Variants in SLIT3 observed in about 807,000 individuals in gnomAD.
SLIT3 encodes the protein slit homolog 3 protein.
A neutral mutation model predicts 184.0 loss-of-function variants in SLIT3; 68 were observed. The observed-to-expected ratio is 0.37, with a 90% confidence interval of 0.30 to 0.45. SLIT3 has a LOEUF of 0.45. Ranked by LOEUF, SLIT3 falls within the 20% of genes least tolerant of loss-of-function variation. SLIT3 has a pLI of 1.00. For missense variants in SLIT3, 1,707 were observed against 2,026.0 expected (o/e 0.84, Z 3.02); for synonymous variants, 831 against 828.6 (o/e 1.00, Z -0.05).
chr5:168,668,819 C>CT (rs1761140306), intron 35 of SLIT3, among the ~76,000 whole-genome samples: 2 of 152,242 alleles, frequency 1.3e-5, no homozygotes. Context: ...GGCTCTCACT[C>CT]TGTCACCCAG....
In SLIT3 at chr5:168,824,617, A is replaced by G. The variant is rs528703857; in HGVS notation, c.558-1286T>C. 2.0e-5 allele frequency among the ~76,000 whole-genome samples: 3 copies of G among 152,310 alleles called. No homozygotes were observed. In the South Asian group the frequency reaches 6.2e-4, roughly 32 times the overall value. ...GACATAATATGTGGGGAAGTCAGGC[A>G]TAGCTCTCAGCTCCCTGACCCCACA... On this transcript the variant is annotated intron_variant, in intron 6 of 35. Transcript: ENST00000519560.
chr5:168,786,372 C>T (rs1231778021), intron 11 of SLIT3, among the ~76,000 whole-genome samples: 1 of 152,168 alleles, frequency 6.6e-6, no homozygotes, highest in Non-Finnish European at 1.5e-5. Context: ...TGAGCCCAGC[C>T]TACAGGACGT....
chr5:168,762,785 T>G, intron 14 of SLIT3, 96 bp from the exon 15 acceptor site: 2 of 1,245,970 alleles, frequency 1.6e-6, no homozygotes, highest in Admixed American at 1.7e-5. Flanking sequence ...GATGGGGGAA[T>G]GAGTTGGGGG....
chr5:169,176,637 T>G (rs543834183), intron 4 of SLIT3, among the ~76,000 whole-genome samples: 3 of 152,200 alleles, frequency 2.0e-5, no homozygotes, highest in Non-Finnish European at 2.9e-5. Context: ...CAGAGATCAG[T>G]AACATTTTTC....
chr5:168,705,468 T>C (rs1762347660), intron 26 of SLIT3, among the ~76,000 whole-genome samples: 1 of 152,124 alleles, frequency 6.6e-6, no homozygotes, highest in African/African-American at 2.4e-5. Flanking sequence ...TCTGTACCAT[T>C]AGCACCATTA....
rs368324929 is a variant in SLIT3 at position 168,698,501 on chromosome 5, A to G, written c.2943-2070T>C. On this transcript the variant is annotated intron_variant, in intron 27 of 35. Coordinates refer to ENST00000519560, the MANE Select transcript of SLIT3 (RefSeq NM_003062.4). Reference sequence around the variant, plus strand: ...GGAACACCAGAAGCCAGGGAGGGACAAGCAAGGACCCTCCCCTAGAGGCTC... The same window carrying G: ...GGAACACCAGAAGCCAGGGAGGGACGAGCAAGGACCCTCCCCTAGAGGCTC... Among the ~76,000 whole-genome samples the G allele has an allele frequency of 6.2e-4, 94 of 152,248 alleles. 2 individuals are homozygous for G. In the South Asian group the frequency reaches 0.019, roughly 31 times the overall value.
chr5:168,903,756 T>C (rs1277771442), intron 4 of SLIT3, among the ~76,000 whole-genome samples: 1 of 152,178 alleles, frequency 6.6e-6, no homozygotes, highest in African/African-American at 2.4e-5. Flanking sequence ...GATCCCCCTC[T>C]ACAATTCATA....
intron 5 of SLIT3, among the ~76,000 whole-genome samples, chr5:168,846,832 A>G (rs1458614326): frequency 6.6e-6 from 1 of 152,248 alleles, no homozygotes; most frequent in Non-Finnish European, 1.5e-5. Flanking sequence ...GAAATCAAAC[A>G]GGAGACTCTA....
At chr5:168,970,763 G>C (rs550542501) in intron 4 of SLIT3, among the ~76,000 whole-genome samples, 2 of 152,186 alleles carry the variant, frequency 1.3e-5, no homozygotes. Context: ...TTACTATAAA[G>C]AGCCCAGATC....
At position 169,185,318 on chromosome 5, in the gene SLIT3, G is replaced by A. The variant is rs1325132497; in HGVS notation, c.413+8161C>T. On this transcript the variant is annotated intron_variant, in intron 4 of 35. Coordinates refer to ENST00000519560, the MANE Select transcript of SLIT3 (RefSeq NM_003062.4). ...TTTTCCATGAGCTTTGGGTGGCTGT[G>A]TCCCTGAAAAAACGTGACCCCATGT... Among the ~76,000 whole-genome samples the A allele has an allele frequency of 5.3e-5, 8 of 152,302 alleles. No homozygotes were observed. The South Asian group carries it at 1.7e-3, about 32-fold the overall frequency.
chr5:168,667,573 AC>A (rs532977946), intron 35 of SLIT3: 2 of 152,126 alleles, frequency 1.3e-5, no homozygotes, highest in Non-Finnish European at 2.9e-5. Context: ...TTTCATTTCC[AC>A]CCCTCTACTG....
chr5:169,257,798 G>A lies in SLIT3; in HGVS notation c.198-6339C>T, dbSNP rs529140122. 2.4e-4 allele frequency among the ~76,000 whole-genome samples: 37 copies of A among 152,010 alleles called. No individual in the cohort carries two copies. In the South Asian group the frequency reaches 7.5e-3, roughly 31 times the overall value. On this transcript the variant is annotated intron_variant, in intron 1 of 35. Coordinates refer to ENST00000519560, the MANE Select transcript of SLIT3 (RefSeq NM_003062.4). Reference sequence around the variant, plus strand: ...TCAAACTCCTGACCTCAGGTGATCTGCCCACCTTGGCCTCCCAAAGTGCTA... The same window carrying A: ...TCAAACTCCTGACCTCAGGTGATCTACCCACCTTGGCCTCCCAAAGTGCTA...
chr5:169,019,463 G>T (rs1466809059), intron 4 of SLIT3, among the ~76,000 whole-genome samples: 1 of 152,212 alleles, frequency 6.6e-6, no homozygotes, highest in Non-Finnish European at 1.5e-5. Flanking sequence ...CTTGTATTTT[G>T]ATAGCTTCCT....
At chr5:168,830,086 A>G (rs1287012190) in intron 6 of SLIT3, among the ~76,000 whole-genome samples, 1 of 152,162 alleles carries the variant, frequency 6.6e-6, no homozygotes, top group Non-Finnish European at 1.5e-5. Context: ...AGGCCCTACG[A>G]CACTCAGGTC....
rs368290250 is a variant in SLIT3, at chr5:169,202,079, A to G, written c.342-8529T>C. On this transcript the variant is annotated intron_variant, in intron 3 of 35. Transcript: ENST00000519560. ...AAACCTCATCTCTACAAAAAATCCA[A>G]AGAATTAGCTGAGCATGGTGCCACA... Among the ~76,000 whole-genome samples, 9 of 152,246 alleles carry G rather than the reference A, an allele frequency of 5.9e-5. No homozygotes were observed. The South Asian group carries it at 8.3e-4, about 14-fold the overall frequency.
chr5:169,149,441 G>T (rs1762042112), intron 4 of SLIT3, among the ~76,000 whole-genome samples: 1 of 151,232 alleles, frequency 6.6e-6, no homozygotes, highest in African/African-American at 2.4e-5. Flanking sequence ...CACCTCTGAG[G>T]GCTCTGCAAT....
At position 169,051,188 on chromosome 5, in the gene SLIT3, C is replaced by A. The variant is rs17734647; in HGVS notation, c.413+142291G>T. Among the ~76,000 whole-genome samples the A allele has an allele frequency of 2.7e-3, 407 of 152,040 alleles. 3 individuals are homozygous for A. The highest frequency in any genetic ancestry group is 0.012 in the East Asian group (63 of 5,178). On this transcript the variant is annotated intron_variant, in intron 4 of 35. Transcript: ENST00000519560. ...AAAGGAAATCAAACATTCAAGGGAT[C>A]AATTTAGATTCACGAAAAATAGGAA...
chr5:168,816,936 T>C (rs1006165768), intron 8 of SLIT3, among the ~76,000 whole-genome samples: 4 of 152,236 alleles, frequency 2.6e-5, no homozygotes, highest in African/African-American at 7.2e-5. Flanking sequence ...CCAATTTCTA[T>C]GAGCAATGGG....
intron 4 of SLIT3, among the ~76,000 whole-genome samples, chr5:169,029,897 C>A (rs1756960507): frequency 6.6e-6 from 1 of 152,180 alleles, no homozygotes; most frequent in African/African-American, 2.4e-5. Context: ...CCAGTTAATC[C>A]TCATCTTCTA....
Sources: allele counts gnomAD v4.1 joint callset (sites outside exome capture counted in the v4.1 genomes callset), GRCh38; gene constraint gnomAD v4.1.1; transcripts MANE v1.5; gene names NCBI Gene and HGNC (gene_info 2026-07-23, HGNC 2026-07-21).